Variants in DISC1 observed in about 807,000 individuals in gnomAD.
The protein encoded by DISC1 is disrupted in schizophrenia 1 protein.
A neutral mutation model predicts 84.5 loss-of-function variants in DISC1; 57 were observed. That is an observed-to-expected ratio of 0.67 (90% CI 0.55 to 0.84). The LOEUF (loss-of-function observed/expected upper bound fraction) is 0.84, where lower values mean the gene tolerates loss of function less well. Among genes scored for constraint, DISC1 ranks in the 40% least tolerant of loss-of-function variants. The probability of loss-of-function intolerance (pLI) is 0.00; values close to 1 mark genes in which losing one functional copy is unlikely to be tolerated. For synonymous variants in DISC1, 411 were observed against 415.2 expected (o/e 0.99, Z 0.12); for missense variants, 1,000 against 1,057.8 (o/e 0.95, Z 0.76).
Position 232,039,529 on chromosome 1 carries a change from A to G in DISC1, c.*2698A>G, listed in dbSNP as rs1670693256. 6.6e-6 allele frequency: 1 copy of G among 152,108 alleles called. No individual in the cohort carries two copies. Among genetic ancestry groups the G allele is most frequent in the African/African-American group, 2.4e-5 (1 of 41,426 alleles). The allele number at this position is 152,108 out of a possible 1,614,324, so 9.4% of individuals were successfully genotyped here. A position where few individuals can be genotyped will look rare whatever the true frequency, so the allele number is the denominator to read the frequency against. ...ATGTTTTAACCACAAGCCATAACTC[A>G]TCTGTTGTCTTTGCTTGGTCTTAGA... On this transcript the variant is annotated 3_prime_UTR_variant, in exon 13 of 13. Transcript: ENST00000439617.
chr1:231,673,980 A>G (rs968182166), intron 1 of DISC1, among the ~76,000 whole-genome samples: 1 of 152,212 alleles, frequency 6.6e-6, no homozygotes, highest in East Asian at 1.9e-4. Flanking sequence ...CATTGTGTGC[A>G]GAATAGGGTA....
At chr1:231,727,905 T>G (rs2070957042) in intron 3 of DISC1, among the ~76,000 whole-genome samples, 1 of 151,418 alleles carries the variant, frequency 6.6e-6, no homozygotes, top group African/African-American at 2.4e-5. Context: ...TGAGCTATGA[T>G]TGTACCACCG....
At chr1:231,779,068 C>T (rs2077178532) in intron 6 of DISC1, among the ~76,000 whole-genome samples, 1 of 152,200 alleles carries the variant, frequency 6.6e-6, no homozygotes, top group Admixed American at 6.5e-5. Flanking sequence ...AAGGCCATGC[C>T]AGGCAGGGAT....
At chr1:231,658,515 G>A (rs2061323618) in intron 1 of DISC1, among the ~76,000 whole-genome samples, 2 of 152,144 alleles carry the variant, frequency 1.3e-5, no homozygotes, top group African/African-American at 2.4e-5. Flanking sequence ...CCAATACTAT[G>A]TTGAATAGGA....
chr1:231,842,180 T>C (rs2125865896), intron 9 of DISC1, among the ~76,000 whole-genome samples: 1 of 152,166 alleles, frequency 6.6e-6, no homozygotes, highest in East Asian at 1.9e-4. Flanking sequence ...AAACATTTAT[T>C]TTTGTAGAGA....
Position 231,962,168 on chromosome 1 carries a change from G to C in DISC1, c.2042+3280G>C, listed in dbSNP as rs182520139. Among the ~76,000 whole-genome samples, 670 of 152,180 alleles carry C rather than the reference G, an allele frequency of 4.4e-3. 3 individuals are homozygous for C. Among genetic ancestry groups the C allele is most frequent in the Non-Finnish European group, 6.2e-3 (423 of 67,992 alleles). On this transcript the variant is annotated intron_variant, in intron 10 of 12. Coordinates refer to ENST00000439617, the MANE Select transcript of DISC1 (RefSeq NM_018662.3). ...TTTTTTGTATTTCTGTTGGCTGCTTGTATGTCTTCTTTTGAGAAGTACCTG... is the reference window on the plus strand; with the variant it reads ...TTTTTTGTATTTCTGTTGGCTGCTTCTATGTCTTCTTTTGAGAAGTACCTG...
At chr1:231,843,737 G>C (rs563367606) in intron 9 of DISC1, among the ~76,000 whole-genome samples, 1 of 152,176 alleles carries the variant, frequency 6.6e-6, no homozygotes, top group Non-Finnish European at 1.5e-5. Context: ...GACCACCGGT[G>C]GGGGGTATTC....
intron 1 of DISC1, among the ~76,000 whole-genome samples, chr1:231,641,086 T>C (rs2059612461): frequency 6.6e-6 from 1 of 152,226 alleles, no homozygotes; most frequent in Non-Finnish European, 1.5e-5. Context: ...GGGTTGGAAC[T>C]GTCAAGGTTC....
intron 1 of DISC1, among the ~76,000 whole-genome samples, chr1:231,663,230 A>G (rs1029228784): frequency 7.9e-5 from 12 of 152,236 alleles, no homozygotes; most frequent in African/African-American, 2.9e-4. Flanking sequence ...AAAGGACATT[A>G]TATGTTGATA....
intron 11 of DISC1, among the ~76,000 whole-genome samples, chr1:232,010,825 G>T (rs560256625): frequency 6.6e-6 from 1 of 152,102 alleles, no homozygotes; most frequent in Non-Finnish European, 1.5e-5. Flanking sequence ...CGGATTCTTC[G>T]CTGCATCCCT....
intron 11 of DISC1, among the ~76,000 whole-genome samples, chr1:232,021,333 T>TACAC (rs36231584): frequency 0.018 from 2,676 of 148,214 alleles, 31 homozygotes; most frequent in South Asian, 0.035. Context: ...ACTTGTTCTA[T>TACAC]ACACACACAC....
intron 3 of DISC1, chr1:231,721,188 T>C (rs1034777053): frequency 9.5e-7 from 1 of 1,057,754 alleles, no homozygotes; most frequent in Admixed American, 2.8e-5. Flanking sequence ...ATATAAAAAC[T>C]GTGCTGATTG....
At chr1:231,668,077 T>C (rs1160102083) in intron 1 of DISC1, among the ~76,000 whole-genome samples, 2 of 151,408 alleles carry the variant, frequency 1.3e-5, no homozygotes, top group East Asian at 3.9e-4. Context: ...AAGCTGTGCA[T>C]ACTTAATACA....
chr1:231,800,054 C>T, intron 7 of DISC1, 54 bp from the exon 8 acceptor site: 1 of 1,411,376 alleles, frequency 7.1e-7, no homozygotes, highest in Non-Finnish European at 1.0e-6. Flanking sequence ...GTTCCACTGC[C>T]TTCTGATTTT....
intron 10 of DISC1, among the ~76,000 whole-genome samples, chr1:231,961,763 C>A (rs1271215136): frequency 6.6e-6 from 1 of 152,132 alleles, no homozygotes; most frequent in African/African-American, 2.4e-5. Context: ...ACCATGTTTT[C>A]TTTATCCATT....
At chr1:231,811,167 A>G (rs1367285054) in intron 8 of DISC1, among the ~76,000 whole-genome samples, 1 of 152,244 alleles carries the variant, frequency 6.6e-6, no homozygotes, top group Admixed American at 6.5e-5. Flanking sequence ...GGCTCTGCTC[A>G]CAGCAAATGC....
At chr1:231,976,933 A>G (rs1355231033) in intron 10 of DISC1, among the ~76,000 whole-genome samples, 1 of 152,192 alleles carries the variant, frequency 6.6e-6, no homozygotes. Context: ...TAAAGAGATT[A>G]TGTGCTGTAT....
chr1:231,724,138 A>C, intron 3 of DISC1: 1 of 646,386 alleles, frequency 1.5e-6, no homozygotes, highest in Non-Finnish European at 1.9e-6. Flanking sequence ...TTGGTACTTC[A>C]TTTGGCTTTG....
At chr1:231,861,900 A>G (rs1383299189) in intron 9 of DISC1, among the ~76,000 whole-genome samples, 1 of 152,216 alleles carries the variant, frequency 6.6e-6, no homozygotes, top group Non-Finnish European at 1.5e-5. Flanking sequence ...AACAGCGACT[A>G]GGACCAATAG....
Sources: allele counts gnomAD v4.1 joint callset (sites outside exome capture counted in the v4.1 genomes callset), GRCh38; gene constraint gnomAD v4.1.1; transcripts MANE v1.5; gene names NCBI Gene and HGNC (gene_info 2026-07-23, HGNC 2026-07-21).